Variants in GNB1 observed in about 807,000 individuals in gnomAD.
The protein encoded by GNB1 is guanine nucleotide-binding protein G(I)/G(S)/G(T) subunit beta-1.
Under a neutral mutation model 42.9 loss-of-function variants are expected in GNB1, and 2 were observed. The observed-to-expected ratio is 0.05, with a 90% CI of 0.02 to 0.15. The LOEUF is 0.15. Ranked by LOEUF, GNB1 falls within the 10% of genes least tolerant of loss-of-function variation. The pLI, the probability that GNB1 is intolerant of heterozygous loss-of-function variation, is 1.00. For synonymous variants in GNB1, 183 were observed against 174.7 expected (o/e 1.05, Z -0.38); for missense variants, 193 against 462.2 (o/e 0.42, Z 5.34).
Position 1,812,077 on chromosome 1 carries a change from C to CAAAAAAAAA in GNB1, c.203+3678_203+3679insTTTTTTTTT, listed in dbSNP as rs1646787973. ...CGAGACTCCGTCTCAAAAAAAAAAA[C>CAAAAAAAAA]CCAAAAAAACTGGTATTCATAAATT... On this transcript the variant is annotated intron_variant, in intron 5 of 11. Coordinates refer to ENST00000378609, the MANE Select transcript of GNB1 (RefSeq NM_002074.5). Among the ~76,000 whole-genome samples the CAAAAAAAAA allele has an allele frequency of 8.0e-5, 12 of 149,902 alleles. 1 individual carries two copies. Among genetic ancestry groups the CAAAAAAAAA allele is most frequent in the Admixed American group, 2.6e-4 (4 of 15,130 alleles).
chr1:1,839,307 G>C (rs1435052747), intron 1 of GNB1, 69 bp from the exon 2 acceptor site: 3 of 152,110 alleles, frequency 2.0e-5, no homozygotes, highest in African/African-American at 7.2e-5. Flanking sequence ...TATTTTGCTA[G>C]TAGCTATATT....
intron 2 of GNB1, among the ~76,000 whole-genome samples, chr1:1,829,074 G>A (rs1647040049): frequency 6.6e-6 from 1 of 151,726 alleles, no homozygotes; most frequent in Admixed American, 6.6e-5. Flanking sequence ...TTTCTTTTTT[G>A]AGACGGAGTT....
intron 1 of GNB1, among the ~76,000 whole-genome samples, chr1:1,852,794 C>G (rs902361730): frequency 6.6e-6 from 1 of 152,044 alleles, no homozygotes; most frequent in Non-Finnish European, 1.5e-5. Flanking sequence ...GAGCCAGCAA[C>G]AGCCCCTCAT....
At chr1:1,829,400 T>TAAACTCAATGATCAGTACC (rs1647045356) in intron 2 of GNB1, among the ~76,000 whole-genome samples, 1 of 152,164 alleles carries the variant, frequency 6.6e-6, no homozygotes, top group Admixed American at 6.5e-5. Flanking sequence ...TTTTTGGAGA[T>TAAACTCAATGATCAGTACC]AAACTCAATG....
In GNB1 at chr1:1,825,514, C is replaced by A; in HGVS notation, c.-46-15G>T. 3 of 1,144,834 alleles carry A rather than the reference C, an allele frequency of 2.6e-6. No individual in the cohort carries two copies. Among genetic ancestry groups the A allele is most frequent in the Non-Finnish European group, 2.7e-6 (2 of 752,744 alleles). The allele number at this position is 1,144,834 out of a possible 1,614,324, so 70.9% of individuals were successfully genotyped here. ...GAATGTGAGATCTGAAACAGAAAGA[C>A]AAGCACAATCAATAAACAACTGTTG... On this transcript the variant is annotated splice_polypyrimidine_tract_variant and intron_variant, in intron 2 of 11. Transcript: ENST00000378609.
intron 1 of GNB1, among the ~76,000 whole-genome samples, chr1:1,859,535 T>G (rs369533099): frequency 1.3e-5 from 2 of 151,978 alleles, no homozygotes; most frequent in Admixed American, 6.6e-5. Context: ...TATCGTGGCC[T>G]AAAGGCATTT....
At chr1:1,831,103 T>A (rs946668460) in intron 2 of GNB1, among the ~76,000 whole-genome samples, 1 of 152,174 alleles carries the variant, frequency 6.6e-6, no homozygotes, top group African/African-American at 2.4e-5. Flanking sequence ...AGGCGGAGGC[T>A]GCAGTGAGCA....
intron 1 of GNB1, among the ~76,000 whole-genome samples, chr1:1,850,251 C>A (rs1437767952): frequency 6.6e-6 from 1 of 152,070 alleles, no homozygotes; most frequent in Admixed American, 6.6e-5. Context: ...CTGCCTCAAC[C>A]TCTCGAGTAG....
chr1:1,804,365 G>A (rs1306384051), intron 7 of GNB1, 54 bp downstream of exon 7: 5 of 1,188,566 alleles, frequency 4.2e-6, no homozygotes, highest in Non-Finnish European at 6.3e-6. Context: ...AGCATATAAT[G>A]TACCCCAGGT....
rs1650472552 is a variant in GNB1, at chr1:1,890,895, C to A, written c.-171G>T. 1 of 147,184 alleles carries A rather than the reference C, an allele frequency of 6.8e-6. No individual in the cohort carries two copies. The highest frequency in any genetic ancestry group is 1.5e-5 in the Non-Finnish European group (1 of 65,908). 9.1% of individuals were successfully genotyped at this position (147,184 alleles called of 1,614,324 possible). The stretch of plus-strand genomic sequence containing the variant: ...CGCTCGGCAGGTCGTCGCGCTCGGG[C>A]CGCGCTGCGCGCTCCGCGGGCGCTG... On this transcript the variant is annotated 5_prime_UTR_variant, in exon 1 of 12. Transcript: ENST00000378609.
intron 1 of GNB1, among the ~76,000 whole-genome samples, chr1:1,871,919 C>G (rs1649271137): frequency 6.6e-6 from 1 of 152,160 alleles, no homozygotes; most frequent in African/African-American, 2.4e-5. Flanking sequence ...CATTTCTCAT[C>G]AACAGTCTCC....
intron 1 of GNB1, among the ~76,000 whole-genome samples, chr1:1,877,942 A>G (rs1046505664): frequency 9.2e-5 from 14 of 152,224 alleles, no homozygotes; most frequent in Non-Finnish European, 1.9e-4. Context: ...CCTTTTACTA[A>G]CATAGGAAGA....
At chr1:1,805,713 T>G (rs111474028) in intron 6 of GNB1, among the ~76,000 whole-genome samples, 2,408 of 152,044 alleles carry the variant, frequency 0.016, 65 homozygotes, top group African/African-American at 0.055. Flanking sequence ...GCTAATTTTT[T>G]GTATTTTTAG....
intron 2 of GNB1, among the ~76,000 whole-genome samples, chr1:1,830,090 A>C (rs1647055216): frequency 6.6e-6 from 1 of 151,938 alleles, no homozygotes; most frequent in Non-Finnish European, 1.5e-5. Flanking sequence ...TTTTTGGAGA[A>C]AGAGAAACAG....
At chr1:1,799,078 G>A (rs1646587894) in intron 7 of GNB1, among the ~76,000 whole-genome samples, 1 of 152,066 alleles carries the variant, frequency 6.6e-6, no homozygotes. Context: ...CCGCCACCTC[G>A]CCCGGCTAAT....
chr1:1,845,129 G>A (rs1570704628), intron 1 of GNB1, among the ~76,000 whole-genome samples: 2 of 152,076 alleles, frequency 1.3e-5, no homozygotes, highest in Admixed American at 1.3e-4. Context: ...TCAATAAAAA[G>A]ATAACAATAC....
At chr1:1,824,446 TAA>T (rs1008429638) in intron 3 of GNB1, among the ~76,000 whole-genome samples, 5 of 152,100 alleles carry the variant, frequency 3.3e-5, no homozygotes, top group African/African-American at 1.2e-4. Flanking sequence ...CTCTCTCAAA[TAA>T]AAGTTTATGA....
At chr1:1,836,641 C>A (rs1647154193) in intron 2 of GNB1, among the ~76,000 whole-genome samples, 1 of 152,058 alleles carries the variant, frequency 6.6e-6, no homozygotes, top group Admixed American at 6.6e-5. Flanking sequence ...ACCTCCACCT[C>A]CCAGGTTCAA....
chr1:1,792,439 T>C, intron 8 of GNB1, among the ~76,000 whole-genome samples: 1 of 152,150 alleles, frequency 6.6e-6, no homozygotes, highest in East Asian at 1.9e-4. Flanking sequence ...GGCTCACACC[T>C]GTAATCCCAG....
Sources: gnomAD v4.1 joint callset for allele counts (sites outside exome capture counted in the v4.1 genomes callset) on GRCh38, gnomAD v4.1.1 for gene constraint, MANE v1.5 for transcripts, NCBI Gene and HGNC (gene_info 2026-07-23, HGNC 2026-07-21) for gene names.